Variants in SHC4 observed in about 807,000 individuals in gnomAD.
SHC4 encodes SHC-transforming protein 4.
A neutral mutation model predicts 69.4 loss-of-function variants in SHC4; 41 were observed. The observed-to-expected ratio is 0.59, with a 90% CI of 0.46 to 0.77. SHC4 has a LOEUF of 0.77. Among genes scored for constraint, SHC4 ranks in the 30% least tolerant of loss-of-function variants. SHC4 has a pLI of 0.00. For synonymous variants in SHC4, 318 were observed against 299.3 expected, an observed-to-expected ratio of 1.06 and a Z score of -0.64; for missense variants, 777 against 783.8, an observed-to-expected ratio of 0.99 and a Z score of 0.10.
At chr15:48,872,277 C>T in intron 4 of SHC4, 135 bp from the exon 5 acceptor site, 1 of 539,912 alleles carries the variant, frequency 1.9e-6, no homozygotes, top group South Asian at 2.4e-5. Context: ...ACCCAACCTA[C>T]ACTCTATAAT....
chr15:48,834,910 G>C lies in SHC4; in HGVS notation c.1596C>G (p.Ser532Arg), dbSNP rs150242989. ...WSEECYHGKL[S>R]RKAAESLLVK... The stretch of plus-strand genomic sequence containing the variant: ...CCAAGAGGCTCTCTGCCGCCTTCCT[G>C]CTCAGCTTGCCATGATAGCATTCTT... The change falls in exon 11 of 12, where the codon AGC becomes AGG. Residue 532 changes from serine to arginine, a missense_variant. Coordinates refer to ENST00000332408, the MANE Select transcript of SHC4 (RefSeq NM_203349.4). The C allele has an allele frequency of 4.3e-6, 7 of 1,613,954 alleles. No individual in the cohort carries two copies. The African/African-American group carries it at 9.3e-5, about 22-fold the overall frequency.
intron 1 of SHC4, among the ~76,000 whole-genome samples, chr15:48,926,558 A>G (rs1900858176): frequency 6.6e-6 from 1 of 151,802 alleles, no homozygotes; most frequent in Non-Finnish European, 1.5e-5. Flanking sequence ...TGCCTCCCAA[A>G]TTCAAGCAAT....
At chr15:48,944,020 T>C (rs942887924) in intron 1 of SHC4, among the ~76,000 whole-genome samples, 14 of 151,420 alleles carry the variant, frequency 9.2e-5, no homozygotes, top group African/African-American at 3.4e-4. Context: ...ACACCCAGAG[T>C]CTCTGCCCTG....
chr15:48,890,381 T>C (rs1243052310), intron 3 of SHC4, among the ~76,000 whole-genome samples: 1 of 152,182 alleles, frequency 6.6e-6, no homozygotes, highest in African/African-American at 2.4e-5. Context: ...ATGTGGAAAT[T>C]GGAAGGCACT....
intron 2 of SHC4, among the ~76,000 whole-genome samples, chr15:48,920,576 G>C (rs1045888910): frequency 6.6e-5 from 10 of 152,044 alleles, no homozygotes; most frequent in African/African-American, 2.4e-4. Context: ...CGCCCGGCCA[G>C]AGATTTTTTT....
chr15:48,855,838 T>A (rs1252976662), intron 8 of SHC4, 115 bp downstream of exon 8: 2 of 1,086,478 alleles, frequency 1.8e-6, no homozygotes, highest in Non-Finnish European at 2.6e-6. Flanking sequence ...TGGCTCTGTA[T>A]TTGAGGAAGA....
chr15:48,864,215 T>G (rs1314181700), intron 6 of SHC4, among the ~76,000 whole-genome samples: 1 of 152,104 alleles, frequency 6.6e-6, no homozygotes, highest in Non-Finnish European at 1.5e-5. Context: ...ATATGATATC[T>G]CATTAAATCC....
intron 2 of SHC4, among the ~76,000 whole-genome samples, chr15:48,911,556 T>C (rs1320180822): frequency 6.6e-6 from 1 of 152,176 alleles, no homozygotes; most frequent in African/African-American, 2.4e-5. Context: ...TTTAGGCCAT[T>C]TACATTCAAT....
intron 1 of SHC4, among the ~76,000 whole-genome samples, chr15:48,958,808 G>C (rs112300151): frequency 3.9e-5 from 6 of 152,286 alleles, no homozygotes; most frequent in African/African-American, 1.4e-4. Context: ...TCAGTCTTAT[G>C]GGGAGAATGA....
chr15:48,889,021 A>C (rs1190142153), intron 3 of SHC4, among the ~76,000 whole-genome samples: 1 of 152,232 alleles, frequency 6.6e-6, no homozygotes, highest in African/African-American at 2.4e-5. Flanking sequence ...TACTCAATAC[A>C]TGCCAGCTGT....
At chr15:48,846,423 T>C (rs1899093781) in intron 9 of SHC4, among the ~76,000 whole-genome samples, 3 of 152,336 alleles carry the variant, frequency 2.0e-5, no homozygotes, top group South Asian at 4.1e-4. Flanking sequence ...TAGTCATTGA[T>C]GCTGGGCCTC....
chr15:48,857,600 T>C (rs1303003437), intron 7 of SHC4, 92 bp downstream of exon 7: 2 of 1,169,144 alleles, frequency 1.7e-6, no homozygotes, highest in South Asian at 2.9e-5. Flanking sequence ...AAATGCCACA[T>C]TAATGTTATA....
At chr15:48,944,839 C>T (rs1901246029) in intron 1 of SHC4, among the ~76,000 whole-genome samples, 1 of 152,150 alleles carries the variant, frequency 6.6e-6, no homozygotes, top group African/African-American at 2.4e-5. Flanking sequence ...TCCTATATGT[C>T]AGCAAAAGTA....
intron 9 of SHC4, among the ~76,000 whole-genome samples, chr15:48,844,735 A>G (rs541557078): frequency 1.3e-5 from 2 of 152,258 alleles, no homozygotes; most frequent in Admixed American, 1.3e-4. Flanking sequence ...AGTTTTCCCT[A>G]TACTGTTCTC....
chr15:48,889,793 G>A (rs1325014785), intron 3 of SHC4, among the ~76,000 whole-genome samples: 1 of 152,120 alleles, frequency 6.6e-6, no homozygotes. Flanking sequence ...GCAGTGAGCC[G>A]AGATCGCACC....
At chr15:48,905,514 C>CCACT (rs1191821097) in intron 2 of SHC4, among the ~76,000 whole-genome samples, 4 of 152,184 alleles carry the variant, frequency 2.6e-5, no homozygotes, top group African/African-American at 9.7e-5. Flanking sequence ...TAGAGGCTGG[C>CCACT]CACTGTATCT....
chr15:48,833,412 G>C (rs1364842106), intron 11 of SHC4, among the ~76,000 whole-genome samples: 1 of 152,132 alleles, frequency 6.6e-6, no homozygotes, highest in African/African-American at 2.4e-5. Flanking sequence ...AGGCATCCAA[G>C]GTATGCCAGC....
chr15:48,942,924 GTGATACCA>G (rs1901201528), intron 1 of SHC4, among the ~76,000 whole-genome samples: 1 of 152,172 alleles, frequency 6.6e-6, no homozygotes, highest in South Asian at 2.1e-4. Flanking sequence ...CCAAGTGTAG[GTGATACCA>G]TGCTGGCTCT....
intron 4 of SHC4, chr15:48,876,693 G>C: frequency 1.7e-6 from 1 of 583,880 alleles, no homozygotes; most frequent in Non-Finnish European, 3.1e-6. Flanking sequence ...TGGGAGGCTA[G>C]GCCAGTCTCT....
Sources: gnomAD v4.1 joint callset for allele counts (sites outside exome capture counted in the v4.1 genomes callset) on GRCh38, gnomAD v4.1.1 for gene constraint, MANE v1.5 for transcripts, NCBI Gene and HGNC (gene_info 2026-07-23, HGNC 2026-07-21) for gene names.